HS6ST3: variants seen among roughly 807,000 people sequenced by gnomAD.
HS6ST3 encodes heparan-sulfate 6-O-sulfotransferase 3.
HS6ST3 carries 12 observed loss-of-function variants against 36.7 expected under a neutral mutation model. The observed-to-expected ratio is 0.33, with a 90% confidence interval of 0.21 to 0.53. The LOEUF (loss-of-function observed/expected upper bound fraction) is 0.53, where lower values mean the gene tolerates loss of function less well. Among genes scored for constraint, HS6ST3 ranks in the 20% least tolerant of loss-of-function variants. HS6ST3 has a pLI of 0.95. For missense variants in HS6ST3, 584 were observed against 640.9 expected, an observed-to-expected ratio of 0.91 and a Z score of 0.96; for synonymous variants, 240 against 257.5, an observed-to-expected ratio of 0.93 and a Z score of 0.65.
At chr13:96,242,220 C>CTTTT (rs149222857) in intron 1 of HS6ST3, among the ~76,000 whole-genome samples, 1 of 146,792 alleles carries the variant, frequency 6.8e-6, no homozygotes. Flanking sequence ...GTTTTTGAGT[C>CTTTT]TTTTTTTTTT....
At chr13:96,505,130 G>A (rs559852459) in intron 1 of HS6ST3, among the ~76,000 whole-genome samples, 3 of 152,270 alleles carry the variant, frequency 2.0e-5, no homozygotes, top group Admixed American at 2.0e-4. Flanking sequence ...GCTGAAAATA[G>A]CTTTAGTGTG....
At chr13:96,519,974 T>C (rs955237938) in intron 1 of HS6ST3, among the ~76,000 whole-genome samples, 4 of 152,212 alleles carry the variant, frequency 2.6e-5, no homozygotes, top group South Asian at 2.1e-4. Flanking sequence ...TCTAAACTAA[T>C]GGTTGTCTTT....
At position 96,372,818 on chromosome 13, in the gene HS6ST3, C is replaced by T. The variant is rs144564477; in HGVS notation, c.707+281249C>T. ...GCTTGATCAGTTCTGCTACTGTGCTCTCTATTGTATTTTAAAATTTCATTT... is the reference window on the plus strand; with the variant it reads ...GCTTGATCAGTTCTGCTACTGTGCTTTCTATTGTATTTTAAAATTTCATTT... On this transcript the variant is annotated intron_variant, in intron 1 of 1. Coordinates refer to ENST00000376705, the MANE Select transcript of HS6ST3 (RefSeq NM_153456.4). Among the ~76,000 whole-genome samples, 555 of 152,194 alleles carry T rather than the reference C, an allele frequency of 3.6e-3. 3 individuals are homozygous for T. The highest frequency in any genetic ancestry group is 0.013 in the African/African-American group (543 of 41,530).
At chr13:96,096,635 G>A (rs2053792526) in intron 1 of HS6ST3, among the ~76,000 whole-genome samples, 1 of 152,166 alleles carries the variant, frequency 6.6e-6, no homozygotes, top group African/African-American at 2.4e-5. Flanking sequence ...AGGGCCAAAA[G>A]CAGTAAATGG....
intron 1 of HS6ST3, among the ~76,000 whole-genome samples, chr13:96,095,554 T>G (rs962735867): frequency 1.3e-5 from 2 of 152,134 alleles, no homozygotes; most frequent in African/African-American, 4.8e-5. Context: ...ACCGGAAGGT[T>G]GGGGAGAGGT....
chr13:96,164,379 C>G (rs1190399785), intron 1 of HS6ST3, among the ~76,000 whole-genome samples: 1 of 151,912 alleles, frequency 6.6e-6, no homozygotes, highest in African/African-American at 2.4e-5. Context: ...AACAGTGAGA[C>G]ACCGTCTATA....
intron 1 of HS6ST3, among the ~76,000 whole-genome samples, chr13:96,409,546 G>A (rs1184929831): frequency 6.6e-6 from 1 of 152,154 alleles, no homozygotes; most frequent in African/African-American, 2.4e-5. Flanking sequence ...CCACGGCTGA[G>A]TGTCAGGTTA....
intron 1 of HS6ST3, among the ~76,000 whole-genome samples, chr13:96,190,773 A>T (rs1212447320): frequency 2.6e-5 from 4 of 152,166 alleles, no homozygotes; most frequent in Admixed American, 2.6e-4. Flanking sequence ...TCGTGAGGAG[A>T]GGTGGCATTT....
At chr13:96,211,725 GT>G (rs1374759608) in intron 1 of HS6ST3, among the ~76,000 whole-genome samples, 1 of 152,136 alleles carries the variant, frequency 6.6e-6, no homozygotes, top group African/African-American at 2.4e-5. Context: ...ACCATAGGTA[GT>G]TGTCTTTATA....
chr13:96,117,548 C>G (rs1462042786), intron 1 of HS6ST3, among the ~76,000 whole-genome samples: 1 of 152,010 alleles, frequency 6.6e-6, no homozygotes, highest in Non-Finnish European at 1.5e-5. Flanking sequence ...ATGATATTCA[C>G]TGGAGAAGAT....
chr13:96,521,401 A>T (rs1448567886), intron 1 of HS6ST3, among the ~76,000 whole-genome samples: 3 of 152,032 alleles, frequency 2.0e-5, no homozygotes, highest in Non-Finnish European at 4.4e-5. Context: ...TTTTCTATTG[A>T]TTGGAATAGT....
rs1036751343 is a variant in HS6ST3, at chr13:96,614,494, TTGGTGGGGA to T, written c.708-217988_708-217980del. Among the ~76,000 whole-genome samples the T allele has an allele frequency of 9.2e-5, 14 of 151,706 alleles. 2 individuals carry two copies. The highest frequency in any genetic ancestry group is 3.4e-4 in the African/African-American group (14 of 41,340). The stretch of plus-strand genomic sequence containing the variant: ...TAAGAGCAAAATAGGGCCAAGGGTG[TTGGTGGGGA>T]TGGTGGGTTGAAGGCTTTCCAGACG... On this transcript the variant is annotated intron_variant, in intron 1 of 1. Transcript: ENST00000376705.
intron 1 of HS6ST3, among the ~76,000 whole-genome samples, chr13:96,147,897 C>T (rs1430600951): frequency 6.6e-6 from 1 of 152,168 alleles, no homozygotes. Context: ...CTCAGCAAGC[C>T]TACCATATGT....
intron 1 of HS6ST3, among the ~76,000 whole-genome samples, chr13:96,295,626 G>A (rs2054851297): frequency 6.6e-6 from 1 of 152,032 alleles, no homozygotes; most frequent in Non-Finnish European, 1.5e-5. Context: ...ACAAAAATCT[G>A]GATTAGTATG....
intron 1 of HS6ST3, among the ~76,000 whole-genome samples, chr13:96,211,874 A>G (rs555091394): frequency 6.6e-6 from 1 of 152,320 alleles, no homozygotes; most frequent in Non-Finnish European, 1.5e-5. Flanking sequence ...CCTTTTTTAG[A>G]TATTAACTTT....
intron 1 of HS6ST3, among the ~76,000 whole-genome samples, chr13:96,154,584 T>C (rs2054101757): frequency 6.6e-6 from 1 of 152,106 alleles, no homozygotes; most frequent in African/African-American, 2.4e-5. Context: ...GTAAAAGAGA[T>C]CGCCTCTTAC....
chr13:96,321,446 A>G (rs1706131259), intron 1 of HS6ST3, among the ~76,000 whole-genome samples: 2 of 151,944 alleles, frequency 1.3e-5, no homozygotes, highest in African/African-American at 4.8e-5. Flanking sequence ...ACTATTTATC[A>G]TTGTTACTTA....
intron 1 of HS6ST3, among the ~76,000 whole-genome samples, chr13:96,149,388 T>C (rs1362092618): frequency 6.6e-6 from 1 of 152,184 alleles, no homozygotes; most frequent in Non-Finnish European, 1.5e-5. Flanking sequence ...ATAGCATTTT[T>C]CATTTTTCTT....
chr13:96,426,599 G>A (rs1196833785), intron 1 of HS6ST3, among the ~76,000 whole-genome samples: 1 of 152,140 alleles, frequency 6.6e-6, no homozygotes, highest in African/African-American at 2.4e-5. Flanking sequence ...ATTAAAATCC[G>A]AGACAGTAAG....
Sources: allele counts gnomAD v4.1 joint callset (sites outside exome capture counted in the v4.1 genomes callset), GRCh38; gene constraint gnomAD v4.1.1; transcripts MANE v1.5; gene names NCBI Gene and HGNC (gene_info 2026-07-23, HGNC 2026-07-21).